The following HIKESHI variants were observed in gnomAD, a reference collection of about 807,000 sequenced individuals.
HIKESHI encodes heat shock protein nuclear import factor hikeshi.
HIKESHI carries 13 observed loss-of-function variants against 25.7 expected under a neutral mutation model. That is an observed-to-expected ratio of 0.51 (90% CI 0.33 to 0.80). The LOEUF is 0.80. Ranked by LOEUF, HIKESHI falls within the 30% of genes least tolerant of loss-of-function variation. The pLI is 0.02. For missense variants in HIKESHI, 174 were observed against 229.5 expected, an observed-to-expected ratio of 0.76 and a Z score of 1.56; for synonymous variants, 76 against 78.7, an observed-to-expected ratio of 0.97 and a Z score of 0.18.
At chr11:86,341,656 T>A (rs895354625) in intron 3 of HIKESHI, among the ~76,000 whole-genome samples, 7 of 152,110 alleles carry the variant, frequency 4.6e-5, no homozygotes, top group African/African-American at 1.7e-4. Context: ...ACTTTTTAAT[T>A]TTTTGTAGAG....
In HIKESHI at chr11:86,302,448, C is replaced by A. The variant is rs1031453174; in HGVS notation, c.-1C>A. 1.9e-6 allele frequency: 3 copies of A among 1,555,614 alleles called. No individual in the cohort carries two copies. The highest frequency in any genetic ancestry group is 1.7e-6 in the Non-Finnish European group (2 of 1,149,374). Reference sequence around the variant, plus strand: ...GCCGGCTGAACGGAGCTGCCGTCGCCATGTTTGGCTGCTTGGTGGCGGGGA... The same window carrying A: ...GCCGGCTGAACGGAGCTGCCGTCGCAATGTTTGGCTGCTTGGTGGCGGGGA... On this transcript the variant is annotated 5_prime_UTR_variant, in exon 1 of 5. Transcript: ENST00000278483.
rs78415423 is a variant in HIKESHI, at chr11:86,337,335, A to G, written c.269-44A>G. The G allele has an allele frequency of 9.6e-5, 151 of 1,569,518 alleles. No individual in the cohort carries two copies. In the East Asian group the frequency reaches 2.8e-3, roughly 30 times the overall value. ...AATTTACAAAGGAAATTGTGTGACT[A>G]CAAGTTTAATTTGAAATGTGTGTCA... is the stretch of plus-strand genomic sequence containing the variant. On this transcript the variant is annotated intron_variant, in intron 2 of 4. Coordinates refer to ENST00000278483, the MANE Select transcript of HIKESHI (RefSeq NM_016401.4).
At chr11:86,316,906 G>C (rs1370398122) in intron 2 of HIKESHI, among the ~76,000 whole-genome samples, 6 of 147,268 alleles carry the variant, frequency 4.1e-5, no homozygotes, top group African/African-American at 1.5e-4. Context: ...CCATTCTCCT[G>C]CATCAGCCTC....
chr11:86,327,366 G>C (rs1322415171), intron 2 of HIKESHI, among the ~76,000 whole-genome samples: 3 of 151,464 alleles, frequency 2.0e-5, no homozygotes, highest in African/African-American at 7.3e-5. Flanking sequence ...CCAGGCTAGA[G>C]CGTAGTGGCG....
intron 3 of HIKESHI, among the ~76,000 whole-genome samples, chr11:86,339,174 T>G (rs1390920250): frequency 2.0e-5 from 3 of 152,066 alleles, no homozygotes; most frequent in Non-Finnish European, 4.4e-5. Context: ...GCCTCCCAAG[T>G]AGCTGGGACT....
chr11:86,314,134 C>T (rs912729553), intron 2 of HIKESHI, among the ~76,000 whole-genome samples: 9 of 152,108 alleles, frequency 5.9e-5, no homozygotes, highest in Admixed American at 5.2e-4. Context: ...CTCTGAAGCC[C>T]ATTCATGTAT....
intron 2 of HIKESHI, among the ~76,000 whole-genome samples, chr11:86,333,400 T>G (rs1306397391): frequency 6.6e-6 from 1 of 151,930 alleles, no homozygotes; most frequent in Non-Finnish European, 1.5e-5. Flanking sequence ...GCCGGTGTGG[T>G]TGCACAGGCC....
intron 3 of HIKESHI, among the ~76,000 whole-genome samples, chr11:86,341,488 C>CTTT (rs112151717): frequency 2.5e-4 from 36 of 142,804 alleles, no homozygotes; most frequent in Non-Finnish European, 2.7e-4. Flanking sequence ...TGGAATTCTC[C>CTTT]TTTTTTTTTT....
chr11:86,314,106 C>T (rs575690229), intron 2 of HIKESHI, among the ~76,000 whole-genome samples: 1 of 152,146 alleles, frequency 6.6e-6, no homozygotes, highest in Non-Finnish European at 1.5e-5. Context: ...AATGTAAATA[C>T]TCAAATATTT....
At chr11:86,329,189 T>TAA (rs5793197) in intron 2 of HIKESHI, among the ~76,000 whole-genome samples, 74 of 147,448 alleles carry the variant, frequency 5.0e-4, no homozygotes, top group African/African-American at 1.3e-3. Flanking sequence ...CGTGATGAGT[T>TAA]AAAAAAAAAA....
At chr11:86,338,262 G>A (rs1947623274) in intron 3 of HIKESHI, among the ~76,000 whole-genome samples, 1 of 152,118 alleles carries the variant, frequency 6.6e-6, no homozygotes, top group East Asian at 1.9e-4. Flanking sequence ...ACATATAAGT[G>A]AGATCAATCA....
rs531280627 is a variant in HIKESHI, at chr11:86,342,867, T to C, written c.421-1736T>C. On this transcript the variant is annotated intron_variant, in intron 3 of 4. Transcript: ENST00000278483. ...TCCTCCTCACAGTCATCAAAATATG[T>C]ATAGGTATTCTTCATAATAATTGTG... Among the ~76,000 whole-genome samples the C allele has an allele frequency of 5.9e-5, 9 of 152,292 alleles. No homozygotes were observed. In the South Asian group the frequency reaches 1.9e-3, roughly 32 times the overall value.
intron 2 of HIKESHI, among the ~76,000 whole-genome samples, chr11:86,325,270 C>A (rs1293702469): frequency 6.6e-6 from 1 of 152,048 alleles, no homozygotes; most frequent in Non-Finnish European, 1.5e-5. Flanking sequence ...TAACTTCACA[C>A]AGAACAGTTT....
intron 1 of HIKESHI, chr11:86,303,485 A>G: frequency 2.5e-6 from 2 of 785,950 alleles, no homozygotes; most frequent in South Asian, 1.2e-4. Context: ...CCCTGCTCTT[A>G]ATAGGGAAAA....
At chr11:86,325,132 C>A (rs970959019) in intron 2 of HIKESHI, among the ~76,000 whole-genome samples, 1 of 151,484 alleles carries the variant, frequency 6.6e-6, no homozygotes, top group Non-Finnish European at 1.5e-5. Flanking sequence ...GAGCCAAGAT[C>A]GCACCACTCT....
At chr11:86,333,746 A>G (rs1427147588) in intron 2 of HIKESHI, among the ~76,000 whole-genome samples, 2 of 152,202 alleles carry the variant, frequency 1.3e-5, no homozygotes, top group Non-Finnish European at 1.5e-5. Flanking sequence ...GCAGGGGTGT[A>G]TAGAGAAGTG....
chr11:86,305,523 A>T (rs1946600654), intron 1 of HIKESHI, among the ~76,000 whole-genome samples: 1 of 151,680 alleles, frequency 6.6e-6, no homozygotes, highest in South Asian at 2.1e-4. Context: ...AGTACCTGGG[A>T]TTACAGGCAC....
At chr11:86,307,272 C>T (rs7126841) in intron 2 of HIKESHI, among the ~76,000 whole-genome samples, 2 of 66,224 alleles carry the variant, frequency 3.0e-5, no homozygotes, top group Non-Finnish European at 5.4e-5. Flanking sequence ...TAATATACAT[C>T]ATATATCAAA....
chr11:86,323,099 A>G (rs889330903), intron 2 of HIKESHI, among the ~76,000 whole-genome samples: 6 of 152,054 alleles, frequency 3.9e-5, no homozygotes, highest in African/African-American at 1.4e-4. Flanking sequence ...GTAGTGGCTC[A>G]TGCCTCTGGT....
Sources: gnomAD v4.1 joint callset for allele counts (sites outside exome capture counted in the v4.1 genomes callset) on GRCh38, gnomAD v4.1.1 for gene constraint, MANE v1.5 for transcripts, NCBI Gene and HGNC (gene_info 2026-07-23, HGNC 2026-07-21) for gene names.